The following POT1 variants were observed in gnomAD, a reference collection of about 807,000 sequenced individuals.
POT1 encodes the protein protection of telomeres 1.
In POT1, 47 loss-of-function variants were observed where a neutral mutation model predicts 78.5. The ratio of observed to expected loss-of-function variants is 0.60; its 90% CI spans 0.47 to 0.76. The LOEUF (loss-of-function observed/expected upper bound fraction) is 0.76, where lower values mean the gene tolerates loss of function less well. Ranked by LOEUF, POT1 falls within the 30% of genes least tolerant of loss-of-function variation. The probability of loss-of-function intolerance (pLI) is 0.00; values close to 1 mark genes in which losing one functional copy is unlikely to be tolerated. For synonymous variants in POT1, 259 were observed against 260.7 expected (o/e 0.99, Z 0.06); for missense variants, 646 against 749.9 (o/e 0.86, Z 1.62).
chr7:124,858,466 TAC>T (rs1261632564), intron 9 of POT1, among the ~76,000 whole-genome samples: 15 of 152,060 alleles, frequency 9.9e-5, no homozygotes, highest in Non-Finnish European at 7.4e-5. Context: ...TTCTATAAAT[TAC>T]ACAGTATACA....
chr7:124,878,818 A>G (rs1019533976), intron 6 of POT1, among the ~76,000 whole-genome samples: 2 of 152,140 alleles, frequency 1.3e-5, no homozygotes, highest in African/African-American at 4.8e-5. Flanking sequence ...GCATAGAGAT[A>G]GCCAAAGAAT....
chr7:124,823,424 T>A lies in POT1; in HGVS notation c.*538A>T, dbSNP rs1219629403. The A allele has an allele frequency of 6.6e-6, 1 of 152,036 alleles. No individual in the cohort carries two copies. The highest frequency in any genetic ancestry group is 1.5e-5 in the Non-Finnish European group (1 of 67,956). The allele number at this position is 152,036 out of a possible 1,614,324, so 9.4% of individuals were successfully genotyped here. A position where few individuals can be genotyped will look rare whatever the true frequency, so the allele number is the denominator to read the frequency against. ...CACTGTCAGGTAAAAATCAAACTATTTTACTAAGTTAACATCTCATTCAAT... is the reference window on the plus strand; with the variant it reads ...CACTGTCAGGTAAAAATCAAACTATATTACTAAGTTAACATCTCATTCAAT... On this transcript the variant is annotated 3_prime_UTR_variant, in exon 19 of 19. Transcript: ENST00000357628.
At chr7:124,915,788 A>AG (rs1797001448) in intron 2 of POT1, 142 bp from the exon 3 acceptor site, 1 of 152,152 alleles carries the variant, frequency 6.6e-6, no homozygotes, top group Non-Finnish European at 1.5e-5. Context: ...AACTATTTTA[A>AG]GACAAGAAAC....
intron 3 of POT1, among the ~76,000 whole-genome samples, chr7:124,909,492 A>G (rs1731447011): frequency 6.6e-6 from 1 of 151,928 alleles, no homozygotes; most frequent in Admixed American, 6.6e-5. Context: ...ACAATCTTCA[A>G]CCTTGATACT....
At chr7:124,854,437 C>T (rs772367279) in intron 9 of POT1, among the ~76,000 whole-genome samples, 1 of 150,998 alleles carries the variant, frequency 6.6e-6, no homozygotes, top group Admixed American at 6.6e-5. Flanking sequence ...TAAAAGGAAA[C>T]GTTTAAAAAA....
At chr7:124,897,386 A>G (rs926543257) in intron 4 of POT1, among the ~76,000 whole-genome samples, 174 bp from the exon 5 acceptor site, 2 of 99,424 alleles carry the variant, frequency 2.0e-5, no homozygotes, top group Admixed American at 2.0e-4. Context: ...TCTAAGCTAC[A>G]GAAACTTAAA....
chr7:124,907,268 T>C (rs940316292), intron 3 of POT1, among the ~76,000 whole-genome samples: 2 of 152,168 alleles, frequency 1.3e-5, no homozygotes, highest in African/African-American at 4.8e-5. Context: ...CCTGTCACAT[T>C]GCCTTACAAA....
chr7:124,905,476 T>A (rs772007675), intron 3 of POT1, among the ~76,000 whole-genome samples: 1 of 151,434 alleles, frequency 6.6e-6, no homozygotes, highest in African/African-American at 2.4e-5. Context: ...ATACAAAAAT[T>A]AATTAAAGAT....
At position 124,896,308 on chromosome 7, in the gene POT1, C is replaced by T. The variant is rs187923859; in HGVS notation, c.9+857G>A. ...CAGAGGCTTTTTCATTTATTCCCGCCTTATTTACAGGTTCGCAGATATATC... is the reference window on the plus strand; with the variant it reads ...CAGAGGCTTTTTCATTTATTCCCGCTTTATTTACAGGTTCGCAGATATATC... On this transcript the variant is annotated intron_variant, in intron 5 of 18. Coordinates refer to ENST00000357628, the MANE Select transcript of POT1 (RefSeq NM_015450.3). Among the ~76,000 whole-genome samples the T allele has an allele frequency of 1.4e-3, 210 of 151,706 alleles. 2 individuals carry two copies. Among genetic ancestry groups the T allele is most frequent in the African/African-American group, 4.3e-3 (179 of 41,508 alleles).
At chr7:124,829,396 T>A in intron 15 of POT1, 54 bp from the exon 16 acceptor site, 1 of 1,195,016 alleles carries the variant, frequency 8.4e-7, no homozygotes, top group Non-Finnish European at 1.2e-6. Context: ...TTAGCTTGTT[T>A]GTTATAACTT....
intron 7 of POT1, among the ~76,000 whole-genome samples, chr7:124,865,777 T>C (rs1795708053): frequency 6.6e-6 from 1 of 151,912 alleles, no homozygotes; most frequent in South Asian, 2.1e-4. Context: ...TGTAATAATA[T>C]TTCACTGCAG....
At chr7:124,911,668 A>G (rs1472629310) in intron 3 of POT1, among the ~76,000 whole-genome samples, 1 of 152,164 alleles carries the variant, frequency 6.6e-6, no homozygotes, top group East Asian at 1.9e-4. Context: ...TTCTTTGTTC[A>G]AAGTAGAAGT....
At chr7:124,854,441 T>TA (rs149065500) in intron 9 of POT1, among the ~76,000 whole-genome samples, 33 of 149,192 alleles carry the variant, frequency 2.2e-4, no homozygotes, top group East Asian at 7.8e-4. Flanking sequence ...AGGAAACGTT[T>TA]AAAAAAAAAA....
At chr7:124,891,395 A>G (rs1455499021) in intron 6 of POT1, among the ~76,000 whole-genome samples, 1 of 151,092 alleles carries the variant, frequency 6.6e-6, no homozygotes, top group Non-Finnish European at 1.5e-5. Flanking sequence ...CATTTAGCCT[A>G]TGTGTGTCCT....
intron 6 of POT1, among the ~76,000 whole-genome samples, chr7:124,885,046 T>G (rs1367943155): frequency 6.6e-6 from 1 of 152,054 alleles, no homozygotes. Context: ...AGCAAAAGTA[T>G]AGGTAAGGTT....
rs1221909871 is a variant in POT1, at chr7:124,889,929, T to C, written c.124+2337A>G. On this transcript the variant is annotated intron_variant, in intron 6 of 18. Coordinates refer to ENST00000357628, the MANE Select transcript of POT1 (RefSeq NM_015450.3). ...TTCATGCCTGCTAATACAATATCCA[T>C]TCTGCAGCCCACAAATCAAGTAATA... is the stretch of plus-strand genomic sequence containing the variant. Among the ~76,000 whole-genome samples, 5 of 152,030 alleles carry C rather than the reference T, an allele frequency of 3.3e-5. No homozygotes were observed. In the East Asian group the frequency reaches 9.6e-4, roughly 29 times the overall value.
intron 9 of POT1, among the ~76,000 whole-genome samples, chr7:124,853,966 A>G (rs937593858): frequency 4.6e-5 from 7 of 152,086 alleles, no homozygotes; most frequent in African/African-American, 1.7e-4. Context: ...AAGGAGTTAC[A>G]AACAAGGAAA....
chr7:124,851,085 G>T (rs537029417), intron 11 of POT1, among the ~76,000 whole-genome samples: 166 of 152,082 alleles, frequency 1.1e-3, no homozygotes, highest in African/African-American at 3.8e-3. Flanking sequence ...ACCAGTCTGG[G>T]CAACATATAG....
intron 9 of POT1, among the ~76,000 whole-genome samples, chr7:124,854,267 G>A (rs1795388455): frequency 6.6e-6 from 1 of 151,858 alleles, no homozygotes; most frequent in South Asian, 2.1e-4. Flanking sequence ...CACATCACCT[G>A]AAAGTAATTT....
Sources: gnomAD v4.1 joint callset for allele counts (sites outside exome capture counted in the v4.1 genomes callset) on GRCh38, gnomAD v4.1.1 for gene constraint, MANE v1.5 for transcripts, NCBI Gene and HGNC (gene_info 2026-07-23, HGNC 2026-07-21) for gene names.